Variants in CLSTN2 observed in about 807,000 individuals in gnomAD.
The protein encoded by CLSTN2 is calsyntenin-2.
CLSTN2 carries 48 observed loss-of-function variants against 101.2 expected under a neutral mutation model. The observed-to-expected ratio is 0.47, with a 90% CI of 0.38 to 0.60. The LOEUF is 0.60. Ranked by LOEUF, CLSTN2 falls within the 20% of genes least tolerant of loss-of-function variation. The pLI is 0.00. For missense variants in CLSTN2, 1,160 were observed against 1,238.2 expected (o/e 0.94, Z 0.95); for synonymous variants, 481 against 463.6 (o/e 1.04, Z -0.48).
At chr3:140,446,061 G>C (rs1286812084) in intron 5 of CLSTN2, among the ~76,000 whole-genome samples, 4 of 152,086 alleles carry the variant, frequency 2.6e-5, no homozygotes, top group Non-Finnish European at 4.4e-5. Flanking sequence ...AATACGGAGT[G>C]GTACAAAGCA....
chr3:140,396,591 G>A (rs1330689797), intron 2 of CLSTN2, among the ~76,000 whole-genome samples: 1 of 152,170 alleles, frequency 6.6e-6, no homozygotes, highest in Non-Finnish European at 1.5e-5. Context: ...GAGGAAACAG[G>A]CACAGAGAGG....
intron 1 of CLSTN2, among the ~76,000 whole-genome samples, chr3:140,148,464 T>C (rs1172109206): frequency 6.6e-6 from 1 of 152,260 alleles, no homozygotes; most frequent in East Asian, 1.9e-4. Flanking sequence ...ATATTCCCTA[T>C]CATGGCACTT....
intron 4 of CLSTN2, among the ~76,000 whole-genome samples, chr3:140,407,976 C>T (rs1001162794): frequency 1.3e-5 from 2 of 152,098 alleles, no homozygotes; most frequent in African/African-American, 2.4e-5. Context: ...AGCAAAAAGG[C>T]AGAGAAGGAG....
chr3:140,425,742 C>A (rs1048059010), intron 5 of CLSTN2, among the ~76,000 whole-genome samples: 2 of 152,226 alleles, frequency 1.3e-5, no homozygotes, highest in African/African-American at 4.8e-5. Context: ...GTGCCAGGCA[C>A]ATACATTTTG....
intron 1 of CLSTN2, among the ~76,000 whole-genome samples, chr3:140,150,276 T>C (rs938967807): frequency 6.6e-6 from 1 of 152,204 alleles, no homozygotes; most frequent in East Asian, 1.9e-4. Flanking sequence ...TAGAAGCATA[T>C]GCTGTGGAAT....
At chr3:139,953,392 C>T (rs1935327194) in intron 1 of CLSTN2, among the ~76,000 whole-genome samples, 1 of 152,086 alleles carries the variant, frequency 6.6e-6, no homozygotes, top group Non-Finnish European at 1.5e-5. Context: ...ACATGTTCCC[C>T]CTGAACCTCT....
chr3:140,319,731 C>T (rs1264333686), intron 2 of CLSTN2, among the ~76,000 whole-genome samples: 3 of 152,142 alleles, frequency 2.0e-5, no homozygotes, highest in Non-Finnish European at 4.4e-5. Flanking sequence ...CTTAGCATGA[C>T]CATAGATCAC....
chr3:140,296,068 AT>A (rs1487262035), intron 2 of CLSTN2, among the ~76,000 whole-genome samples: 5 of 152,154 alleles, frequency 3.3e-5, no homozygotes, highest in Non-Finnish European at 7.4e-5. Context: ...ATCTGGATTT[AT>A]TTATGAACTC....
chr3:140,262,499 GTTGAA>G (rs60158853), intron 2 of CLSTN2, among the ~76,000 whole-genome samples: 148,741 of 152,190 alleles, frequency 0.98, 72,770 homozygotes, highest in East Asian at 1. Flanking sequence ...ACTCTAACTG[GTTGAA>G]AGTGAATGTG....
chr3:140,052,706 A>T lies in CLSTN2; in HGVS notation c.109+117223A>T, dbSNP rs189920413. On this transcript the variant is annotated intron_variant, in intron 1 of 16. Coordinates refer to ENST00000458420, the MANE Select transcript of CLSTN2 (RefSeq NM_022131.3). ...TTCTCTTTTGAAGCGTAGCCCTTTCATTCTTCTCCTCAGAAAACCAACTCT... is the reference window on the plus strand; with the variant it reads ...TTCTCTTTTGAAGCGTAGCCCTTTCTTTCTTCTCCTCAGAAAACCAACTCT... Among the ~76,000 whole-genome samples, 1,231 of 152,264 alleles carry T rather than the reference A, an allele frequency of 8.1e-3. 13 individuals are homozygous for T. The highest frequency in any genetic ancestry group is 0.012 in the Non-Finnish European group (809 of 68,018).
chr3:140,111,471 TGAAG>T (rs1479430274), intron 1 of CLSTN2, among the ~76,000 whole-genome samples: 2 of 152,116 alleles, frequency 1.3e-5, no homozygotes, highest in African/African-American at 2.4e-5. Context: ...AGACAACCCC[TGAAG>T]CCAAGTGGTG....
At chr3:140,096,575 T>C (rs2008872922) in intron 1 of CLSTN2, among the ~76,000 whole-genome samples, 4 of 152,196 alleles carry the variant, frequency 2.6e-5, no homozygotes, top group Admixed American at 2.6e-4. Context: ...TGGAGATAGT[T>C]ATGAAGAATT....
rs560261807 is a variant in CLSTN2 at position 140,438,605 on chromosome 3, A to G, written c.788-9914A>G. On this transcript the variant is annotated intron_variant, in intron 5 of 16. Transcript: ENST00000458420. The stretch of plus-strand genomic sequence containing the variant: ...TTGTGAATGTTTTTCAAAGCCATGT[A>G]AGTAAAGATTCTTAAAGAACCACTG... Among the ~76,000 whole-genome samples the G allele has an allele frequency of 4.4e-3, 665 of 152,290 alleles. 1 individual carries two copies. The highest frequency in any genetic ancestry group is 7.3e-3 in the Admixed American group (111 of 15,294).
At chr3:140,536,716 C>A (rs1935365955) in intron 9 of CLSTN2, among the ~76,000 whole-genome samples, 1 of 152,106 alleles carries the variant, frequency 6.6e-6, no homozygotes, top group East Asian at 1.9e-4. Context: ...TTCTTAAGAT[C>A]TTTAAAATTG....
intron 5 of CLSTN2, among the ~76,000 whole-genome samples, chr3:140,424,644 T>TAAAGG (rs2088544661): frequency 1.3e-5 from 2 of 152,252 alleles, no homozygotes; most frequent in Non-Finnish European, 2.9e-5. Context: ...TGCTTGTTAC[T>TAAAGG]TGCAGATGAT....
intron 4 of CLSTN2, among the ~76,000 whole-genome samples, chr3:140,408,482 C>T (rs549679761): frequency 3.3e-5 from 5 of 152,280 alleles, no homozygotes; most frequent in Admixed American, 6.5e-5. Flanking sequence ...AGCCTCACAG[C>T]AACCACAAAC....
chr3:140,029,483 C>T (rs551819833), intron 1 of CLSTN2, among the ~76,000 whole-genome samples: 2 of 152,224 alleles, frequency 1.3e-5, no homozygotes, highest in East Asian at 3.9e-4. Context: ...GCCTGCAAGA[C>T]CTGAGTCCCA....
intron 1 of CLSTN2, among the ~76,000 whole-genome samples, chr3:140,020,595 G>A (rs970135110): frequency 1.3e-5 from 2 of 152,168 alleles, no homozygotes; most frequent in African/African-American, 4.8e-5. Flanking sequence ...GTCCTCATGC[G>A]TTCCCATTGT....
intron 9 of CLSTN2, among the ~76,000 whole-genome samples, chr3:140,540,002 G>A (rs1228227994): frequency 6.6e-6 from 1 of 152,174 alleles, no homozygotes; most frequent in Non-Finnish European, 1.5e-5. Flanking sequence ...ATGTTTAGTA[G>A]GGGGAGGGGT....
Sources: gnomAD v4.1 joint callset for allele counts (sites outside exome capture counted in the v4.1 genomes callset) on GRCh38, gnomAD v4.1.1 for gene constraint, MANE v1.5 for transcripts, NCBI Gene and HGNC (gene_info 2026-07-23, HGNC 2026-07-21) for gene names.